The following FGF12 variants were observed in gnomAD, a reference collection of about 807,000 sequenced individuals.
The protein encoded by FGF12 is fibroblast growth factor 12B.
Under a neutral mutation model 23.6 loss-of-function variants are expected in FGF12, and 14 were observed. The ratio of observed to expected loss-of-function variants is 0.59; its 90% confidence interval spans 0.39 to 0.93. FGF12 has a LOEUF of 0.93. FGF12 is among the 40% of genes least tolerant of loss of function. The pLI is 0.00. For synonymous variants in FGF12, 62 were observed against 77.3 expected, an observed-to-expected ratio of 0.80 and a Z score of 1.04; for missense variants, 175 against 217.8, an observed-to-expected ratio of 0.80 and a Z score of 1.24.
At chr3:192,239,571 C>T (rs1454694925) in intron 4 of FGF12, among the ~76,000 whole-genome samples, 7 of 152,148 alleles carry the variant, frequency 4.6e-5, no homozygotes, top group African/African-American at 1.4e-4. Flanking sequence ...AGGTGAGCAG[C>T]GGGTGAGTGA....
At chr3:192,398,606 T>C (rs77135627) in intron 2 of FGF12, among the ~76,000 whole-genome samples, 23,669 of 152,040 alleles carry the variant, frequency 0.16, 2,470 homozygotes, top group East Asian at 0.45. Context: ...GGTCTCGAAC[T>C]CCTAACCTCA....
At chr3:192,596,307 T>C (rs1430385527) in intron 2 of FGF12, among the ~76,000 whole-genome samples, 1 of 151,972 alleles carries the variant, frequency 6.6e-6, no homozygotes, top group Non-Finnish European at 1.5e-5. Flanking sequence ...TTTGTCTACA[T>C]TTTAACTTCT....
intron 2 of FGF12, among the ~76,000 whole-genome samples, chr3:192,708,319 A>G (rs971789844): frequency 1.3e-5 from 2 of 152,166 alleles, no homozygotes; most frequent in African/African-American, 4.8e-5. Flanking sequence ...AGGCGTTTCA[A>G]AAGTGAAAGA....
chr3:192,255,681 CA>C (rs1712338334), intron 4 of FGF12, among the ~76,000 whole-genome samples: 1 of 151,960 alleles, frequency 6.6e-6, no homozygotes. Flanking sequence ...TTTATTAAAA[CA>C]ATATTTAAAA....
At chr3:192,544,622 A>T (rs1459480638) in intron 2 of FGF12, among the ~76,000 whole-genome samples, 2 of 152,214 alleles carry the variant, frequency 1.3e-5, no homozygotes, top group African/African-American at 4.8e-5. Flanking sequence ...ATAACAAAAC[A>T]TATAGATTTC....
chr3:192,632,917 G>T (rs1330258842), intron 2 of FGF12, among the ~76,000 whole-genome samples: 2 of 152,122 alleles, frequency 1.3e-5, no homozygotes, highest in African/African-American at 4.8e-5. Context: ...CTCTCTCCTA[G>T]CTTCCGGTGG....
intron 2 of FGF12, among the ~76,000 whole-genome samples, chr3:192,595,606 T>G (rs1421969362): frequency 6.6e-6 from 1 of 152,156 alleles, no homozygotes; most frequent in Non-Finnish European, 1.5e-5. Flanking sequence ...AGGCCTGGGG[T>G]GAGACTCAAG....
rs938286876 is a variant in FGF12, at chr3:192,336,136, C to T, written c.125-672G>A. Among the ~76,000 whole-genome samples, 2 of 143,536 alleles carry T rather than the reference C, an allele frequency of 1.4e-5. No homozygotes were observed. Among genetic ancestry groups the T allele is most frequent in the Non-Finnish European group, 1.6e-5 (1 of 64,472 alleles). The allele number at this position is 143,536 out of a possible 152,430, so 94.2% of individuals were successfully genotyped here. On this transcript the variant is annotated intron_variant, in intron 3 of 5. Transcript: ENST00000445105. The surrounding 1 kb of genome is among the most constrained non-coding windows in gnomAD (Gnocchi z 4.3). ...ACACACACACACACACACACACACA[C>T]ATATACACACATATATACATACTAT...
intron 2 of FGF12, among the ~76,000 whole-genome samples, chr3:192,462,976 A>G (rs1452817672): frequency 6.6e-6 from 1 of 152,202 alleles, no homozygotes; most frequent in Non-Finnish European, 1.5e-5. Flanking sequence ...ATATGAAACC[A>G]TGCTCATGCT....
chr3:192,501,299 G>C (rs1724126976), intron 2 of FGF12, among the ~76,000 whole-genome samples: 1 of 152,100 alleles, frequency 6.6e-6, no homozygotes, highest in African/African-American at 2.4e-5. Flanking sequence ...AAAAAAACTT[G>C]AAATAAATAT....
At chr3:192,352,360 G>A (rs972919960) in intron 3 of FGF12, among the ~76,000 whole-genome samples, 2 of 152,208 alleles carry the variant, frequency 1.3e-5, no homozygotes, top group African/African-American at 4.8e-5. Context: ...TGGATGGCTT[G>A]TCAAAACACA....
At chr3:192,284,455 A>G (rs978960522) in intron 4 of FGF12, among the ~76,000 whole-genome samples, 1 of 152,114 alleles carries the variant, frequency 6.6e-6, no homozygotes, top group African/African-American at 2.4e-5. Context: ...TGTAAAAAAC[A>G]TAGTATTACC....
At chr3:192,475,357 T>C (rs914723107) in intron 2 of FGF12, among the ~76,000 whole-genome samples, 6 of 152,162 alleles carry the variant, frequency 3.9e-5, no homozygotes, top group African/African-American at 7.2e-5. Context: ...CTTTCCCCCT[T>C]AATCTATAAA....
chr3:192,494,102 C>T (rs767799531), intron 2 of FGF12, among the ~76,000 whole-genome samples: 4 of 152,198 alleles, frequency 2.6e-5, no homozygotes, highest in African/African-American at 4.8e-5. Flanking sequence ...TACTATTTAG[C>T]ATAACCAAGT....
At chr3:192,370,481 T>C (rs923137248) in intron 2 of FGF12, among the ~76,000 whole-genome samples, 3 of 152,184 alleles carry the variant, frequency 2.0e-5, no homozygotes, top group African/African-American at 7.2e-5. Context: ...AGTTCAAGGC[T>C]GCAGTGAGCT....
intron 4 of FGF12, among the ~76,000 whole-genome samples, chr3:192,324,478 T>G (rs1374525765): frequency 6.6e-6 from 1 of 152,234 alleles, no homozygotes; most frequent in African/African-American, 2.4e-5. Context: ...GTTGAGTACA[T>G]AATATACACT....
chr3:192,239,890 G>T (rs1027089700), intron 4 of FGF12, among the ~76,000 whole-genome samples: 2 of 152,178 alleles, frequency 1.3e-5, no homozygotes, highest in African/African-American at 4.8e-5. Context: ...TAAGTTTAAG[G>T]TTGGAAAGCC....
chr3:192,610,984 C>T (rs888732671), intron 2 of FGF12, among the ~76,000 whole-genome samples: 1 of 152,022 alleles, frequency 6.6e-6, no homozygotes, highest in Non-Finnish European at 1.5e-5. Context: ...GTTTTACTTT[C>T]CTCTTTAGCC....
intron 3 of FGF12, among the ~76,000 whole-genome samples, chr3:192,348,875 TTAAC>T (rs1289299911): frequency 3.9e-5 from 6 of 152,178 alleles, no homozygotes; most frequent in Non-Finnish European, 7.4e-5. Context: ...ATCACAAGAC[TTAAC>T]TGAGTACAAT....
Sources: gnomAD v4.1 joint callset for allele counts (sites outside exome capture counted in the v4.1 genomes callset) on GRCh38, gnomAD v4.1.1 for gene constraint, Gnocchi (gnomAD v3.1) non-coding constraint, MANE v1.5 for transcripts, NCBI Gene and HGNC (gene_info 2026-07-23, HGNC 2026-07-21) for gene names.